Variants in EEFSEC observed in about 807,000 individuals in gnomAD.
EEFSEC encodes the protein eukaryotic elongation factor, selenocysteine-tRNA specific.
EEFSEC carries 43 observed loss-of-function variants against 42.1 expected under a neutral mutation model. The observed-to-expected ratio is 1.02, with a 90% CI of 0.80 to 1.32. The LOEUF is 1.32. EEFSEC is among the 40% of genes most tolerant of loss of function. The pLI is 0.00. For missense variants in EEFSEC, 745 were observed against 803.6 expected, an observed-to-expected ratio of 0.93 and a Z score of 0.88; for synonymous variants, 354 against 339.1, an observed-to-expected ratio of 1.04 and a Z score of -0.48.
At chr3:128,389,951 T>C (rs1211007306) in intron 6 of EEFSEC, among the ~76,000 whole-genome samples, 1 of 152,198 alleles carries the variant, frequency 6.6e-6, no homozygotes, top group East Asian at 1.9e-4. Flanking sequence ...GGTGGCTGAG[T>C]TGGCAGCGCC....
At chr3:128,358,646 T>G (rs1035062864) in intron 6 of EEFSEC, among the ~76,000 whole-genome samples, 1 of 152,004 alleles carries the variant, frequency 6.6e-6, no homozygotes, top group African/African-American at 2.4e-5. Context: ...TGAGGGGGCC[T>G]TGGGCCCGCA....
In EEFSEC at chr3:128,205,438, C is replaced by T. The variant is rs191107758; in HGVS notation, c.317-41398C>T. Among the ~76,000 whole-genome samples, 692 of 152,240 alleles carry T rather than the reference C, an allele frequency of 4.5e-3. 2 individuals carry two copies. Among genetic ancestry groups the T allele is most frequent in the South Asian group, 0.028 (137 of 4,808 alleles). On this transcript the variant is annotated intron_variant, in intron 1 of 6. Transcript: ENST00000254730. ...AGGCTGGACTCCTGCTGCGGGGGTG[C>T]CCTTGAGGAAGAGTCCCAGGGTGAT...
intron 4 of EEFSEC, among the ~76,000 whole-genome samples, chr3:128,320,104 A>G (rs764292068): frequency 5.3e-5 from 8 of 152,208 alleles, no homozygotes; most frequent in Non-Finnish European, 1.0e-4. Flanking sequence ...TAAATAAAGC[A>G]CTGCAATGGC....
chr3:128,234,219 A>G (rs912781810), intron 1 of EEFSEC, among the ~76,000 whole-genome samples: 2 of 151,880 alleles, frequency 1.3e-5, no homozygotes, highest in African/African-American at 2.4e-5. Context: ...TGCCTGGCTA[A>G]TTATTGTATT....
chr3:128,175,672 A>G (rs1476176348), intron 1 of EEFSEC, among the ~76,000 whole-genome samples: 1 of 152,228 alleles, frequency 6.6e-6, no homozygotes, highest in African/African-American at 2.4e-5. Flanking sequence ...GGAAAGCCCA[A>G]ATGAAAACGA....
chr3:128,268,947 T>C (rs1014007249), intron 4 of EEFSEC, among the ~76,000 whole-genome samples: 8 of 152,200 alleles, frequency 5.3e-5, no homozygotes, highest in Non-Finnish European at 1.2e-4. Context: ...TGGAAAGGAC[T>C]GAAATCAGAA....
intron 6 of EEFSEC, among the ~76,000 whole-genome samples, chr3:128,404,521 G>A (rs2068086660): frequency 6.6e-6 from 1 of 152,258 alleles, no homozygotes; most frequent in Non-Finnish European, 1.5e-5. Context: ...GCACCAGAGG[G>A]AGACGGGCTG....
intron 1 of EEFSEC, among the ~76,000 whole-genome samples, chr3:128,167,838 A>G (rs1417272706): frequency 6.6e-6 from 1 of 152,194 alleles, no homozygotes; most frequent in Non-Finnish European, 1.5e-5. Flanking sequence ...ATGCAGTTCA[A>G]AGGGGCTGAG....
Position 128,367,549 on chromosome 3 carries a change from T to C in EEFSEC, c.1600+9176T>C, listed in dbSNP as rs181260202. ...ACCAGCCACCTGCTGTGTGGACTCC[T>C]GTGCCTGTAAGCAAGAGCCACATCC... On this transcript the variant is annotated intron_variant, in intron 6 of 6. Transcript: ENST00000254730. 5.7e-5 allele frequency: 46 copies of C among 800,574 alleles called. No homozygotes were observed. In the African/African-American group the frequency reaches 8.0e-4, roughly 14 times the overall value. The allele number at this position is 800,574 out of a possible 1,614,324, so 49.6% of individuals were successfully genotyped here.
At chr3:128,340,647 A>G (rs1013923748) in intron 4 of EEFSEC, among the ~76,000 whole-genome samples, 7 of 152,308 alleles carry the variant, frequency 4.6e-5, no homozygotes, top group African/African-American at 1.7e-4. Context: ...GATACACAAT[A>G]GACAGTGACC....
At chr3:128,340,387 A>G (rs1461797118) in intron 4 of EEFSEC, among the ~76,000 whole-genome samples, 7 of 149,898 alleles carry the variant, frequency 4.7e-5, no homozygotes, top group Non-Finnish European at 1.0e-4. Flanking sequence ...TTATATTAAT[A>G]TATATTTGCA....
intron 1 of EEFSEC, among the ~76,000 whole-genome samples, chr3:128,182,527 C>T (rs1023432374): frequency 1.3e-5 from 2 of 152,130 alleles, no homozygotes; most frequent in African/African-American, 2.4e-5. Flanking sequence ...CATTTGTGAG[C>T]GTGTTTTGGA....
chr3:128,297,108 G>A (rs1307984065), intron 4 of EEFSEC, among the ~76,000 whole-genome samples: 2 of 152,098 alleles, frequency 1.3e-5, no homozygotes, highest in African/African-American at 4.8e-5. Flanking sequence ...GAGACCATAG[G>A]CACATACCAG....
chr3:128,200,895 A>G (rs2065636768), intron 1 of EEFSEC, among the ~76,000 whole-genome samples: 1 of 152,140 alleles, frequency 6.6e-6, no homozygotes, highest in African/African-American at 2.4e-5. Flanking sequence ...GGAGGGCTCA[A>G]TGAAGAGAGA....
At chr3:128,414,956 C>A in the EEFSEC span, among the ~76,000 whole-genome samples, 1 of 152,138 alleles carries the variant, frequency 6.6e-6, no homozygotes, top group Admixed American at 6.5e-5. Flanking sequence ...ACTGGATGAT[C>A]GAGGGGAGGC....
At chr3:128,371,573 G>A (rs1214417108) in intron 6 of EEFSEC, among the ~76,000 whole-genome samples, 1 of 152,240 alleles carries the variant, frequency 6.6e-6, no homozygotes, top group Non-Finnish European at 1.5e-5. Flanking sequence ...AACACAGTCA[G>A]AAAGCTCTGT....
At chr3:128,228,644 G>A (rs576505617) in intron 1 of EEFSEC, among the ~76,000 whole-genome samples, 2 of 152,144 alleles carry the variant, frequency 1.3e-5, no homozygotes, top group African/African-American at 4.8e-5. Flanking sequence ...GGGCAACATA[G>A]CACTACTAGA....
In EEFSEC at chr3:128,341,352, G is replaced by A. The variant is rs1256623174; in HGVS notation, c.906G>A (p.Leu302=). 3 of 1,614,144 alleles carry A rather than the reference G, an allele frequency of 1.9e-6. No individual in the cohort carries two copies. In the East Asian group the frequency reaches 6.7e-5, roughly 36 times the overall value. The part of the protein sequence containing the change: ...QFDPKLLERG[L]VCAPESLHTV... ...ACCCTAAGCTGCTGGAGCGCGGGTT[G>A]GTGTGTGCCCCCGAGTCCCTGCACA... Residue 302 remains leucine, a synonymous_variant, in exon 5 of 7, where the codon TTG becomes TTA. Transcript: ENST00000254730.
chr3:128,233,060 A>G (rs1306357516), intron 1 of EEFSEC, among the ~76,000 whole-genome samples: 4 of 152,192 alleles, frequency 2.6e-5, no homozygotes, highest in Non-Finnish European at 5.9e-5. Flanking sequence ...CGCATCATTA[A>G]TGCTCTGGCT....
Sources: gnomAD v4.1 joint callset for allele counts (sites outside exome capture counted in the v4.1 genomes callset) on GRCh38, gnomAD v4.1.1 for gene constraint, MANE v1.5 for transcripts, NCBI Gene and HGNC (gene_info 2026-07-23, HGNC 2026-07-21) for gene names.